Variants in SLC25A48 observed in about 807,000 individuals in gnomAD.
SLC25A48 encodes CTC-321K16.1.
In SLC25A48, 29 loss-of-function variants were observed where a neutral mutation model predicts 32.2. That is an observed-to-expected ratio of 0.90 (90% CI 0.67 to 1.23). SLC25A48 has a LOEUF of 1.23. SLC25A48 is among the 50% of genes most tolerant of loss of function. The pLI is 0.00. For missense variants in SLC25A48, 399 were observed against 422.7 expected (o/e 0.94, Z 0.49); for synonymous variants, 164 against 172.3 (o/e 0.95, Z 0.38).
intron 3 of SLC25A48, among the ~76,000 whole-genome samples, chr5:135,738,050 A>G (rs965588673): frequency 3.3e-5 from 5 of 152,092 alleles, no homozygotes; most frequent in African/African-American, 9.7e-5. Flanking sequence ...CACCATCACT[A>G]TGACTGTGAT....
At chr5:135,597,260 G>T (rs1751676737) in intron 1 of SLC25A48, among the ~76,000 whole-genome samples, 1 of 152,206 alleles carries the variant, frequency 6.6e-6, no homozygotes, top group African/African-American at 2.4e-5. Context: ...GCAGATCTGA[G>T]CAAGAAGGGA....
At chr5:135,682,521 A>G (rs1753921561) in intron 3 of SLC25A48, among the ~76,000 whole-genome samples, 1 of 152,226 alleles carries the variant, frequency 6.6e-6, no homozygotes, top group African/African-American at 2.4e-5. Context: ...TGTATGTCAT[A>G]TGCTTGCATA....
chr5:135,609,764 T>C (rs1483398941), intron 1 of SLC25A48: 1 of 152,236 alleles, frequency 6.6e-6, no homozygotes, highest in Non-Finnish European at 1.5e-5. Flanking sequence ...ACAAGCTGCA[T>C]AACTTATTAT....
intron 3 of SLC25A48, among the ~76,000 whole-genome samples, chr5:135,802,103 A>G (rs999611234): frequency 6.6e-6 from 1 of 151,810 alleles, no homozygotes. Context: ...CCAGGGGAAG[A>G]GAAGATATTA....
Position 135,874,131 on chromosome 5 carries a change from A to G in SLC25A48, c.790A>G (p.Ser264Gly). 1 of 1,480,364 alleles carries G rather than the reference A, an allele frequency of 6.8e-7. No individual in the cohort carries two copies. Among genetic ancestry groups the G allele is most frequent in the Non-Finnish European group, 8.9e-7 (1 of 1,124,906 alleles). 91.7% of individuals were successfully genotyped at this position (1,480,364 alleles called of 1,614,324 possible). A position where few individuals can be genotyped will look rare whatever the true frequency, so the allele number is the denominator to read the frequency against. ...AGGTGTCCTGGACTGTATCTCCCAG[A>G]GTTACCAGAAGGAAGGTCTTAAAGT... ...YKGVLDCISQSYQKEGLKVFF... is the reference protein window; with the variant it reads ...YKGVLDCISQGYQKEGLKVFF... Residue 264 changes from serine (S) to glycine (G), a missense_variant, in exon 6 of 8, where the codon AGT becomes GGT. Transcript: ENST00000681962.
chr5:135,681,268 C>A (rs1181982764), intron 3 of SLC25A48, among the ~76,000 whole-genome samples: 1 of 152,192 alleles, frequency 6.6e-6, no homozygotes, highest in Non-Finnish European at 1.5e-5. Context: ...GCCACTGTGC[C>A]CAGCTGTGTT....
chr5:135,702,952 T>C (rs1754426688), intron 3 of SLC25A48, among the ~76,000 whole-genome samples: 2 of 152,136 alleles, frequency 1.3e-5, no homozygotes, highest in South Asian at 4.1e-4. Flanking sequence ...AACACCTTCT[T>C]TTTGAGTGAA....
rs70976584 is a variant in SLC25A48 at position 135,886,648 on chromosome 5, ATGTGTGTGTG to A, written c.*8-1367_*8-1358del. On this transcript the variant is annotated intron_variant, in intron 7 of 7. Transcript: ENST00000681962. ...ATATATATATATATAAAATATATAT[ATGTGTGTGTG>A]TGTGTGTGTGTGTGTGAGAGAGAGA... Among the ~76,000 whole-genome samples, 15 of 64,742 alleles carry A rather than the reference ATGTGTGTGTG, an allele frequency of 2.3e-4. 1 individual carries two copies. Among genetic ancestry groups the A allele is most frequent in the South Asian group, 5.5e-4 (1 of 1,824 alleles). 42.5% of individuals were successfully genotyped at this position (64,742 alleles called of 152,430 possible).
At chr5:135,789,870 C>T (rs1291052608) in intron 3 of SLC25A48, among the ~76,000 whole-genome samples, 2 of 151,990 alleles carry the variant, frequency 1.3e-5, no homozygotes, top group African/African-American at 4.8e-5. Flanking sequence ...AATAATTTCA[C>T]AGGGTGTACA....
At chr5:135,768,921 C>T (rs1756322041) in intron 3 of SLC25A48, among the ~76,000 whole-genome samples, 1 of 151,810 alleles carries the variant, frequency 6.6e-6, no homozygotes, top group Non-Finnish European at 1.5e-5. Context: ...CGCAATATCG[C>T]AGGGGTTGTA....
At chr5:135,877,375 A>G (rs1333689544) in intron 6 of SLC25A48, among the ~76,000 whole-genome samples, 1 of 151,980 alleles carries the variant, frequency 6.6e-6, no homozygotes, top group African/African-American at 2.4e-5. Context: ...CAGAGGGGGC[A>G]TTTGTAGGTA....
At chr5:135,678,218 G>A (rs901910361) in intron 3 of SLC25A48, among the ~76,000 whole-genome samples, 6 of 151,366 alleles carry the variant, frequency 4.0e-5, no homozygotes, top group Non-Finnish European at 5.9e-5. Context: ...TTTTTAATTC[G>A]TTTTTTTTCT....
intron 3 of SLC25A48, among the ~76,000 whole-genome samples, chr5:135,749,195 A>G (rs12513724): frequency 0.46 from 69,581 of 151,582 alleles, 16,834 homozygotes; most frequent in Non-Finnish European, 0.54. Flanking sequence ...CACAGTGGCA[A>G]GGAAGAAATG....
chr5:135,806,891 C>G (rs1178455767), intron 3 of SLC25A48, among the ~76,000 whole-genome samples: 1 of 149,726 alleles, frequency 6.7e-6, no homozygotes, highest in Non-Finnish European at 1.5e-5. Flanking sequence ...TGTGTTAACA[C>G]TAGATATTAT....
At chr5:135,587,552 T>G (rs377717763) in intron 1 of SLC25A48, among the ~76,000 whole-genome samples, 2 of 152,184 alleles carry the variant, frequency 1.3e-5, no homozygotes, top group East Asian at 3.8e-4. Flanking sequence ...TTGTGACTAA[T>G]TTGCTTTTAA....
At chr5:135,786,521 G>A (rs981055062) in intron 3 of SLC25A48, among the ~76,000 whole-genome samples, 3 of 152,074 alleles carry the variant, frequency 2.0e-5, no homozygotes, top group African/African-American at 4.8e-5. Flanking sequence ...TAATGTCACC[G>A]TGGCTGTATC....
intron 4 of SLC25A48, among the ~76,000 whole-genome samples, chr5:135,855,718 C>T (rs942772083): frequency 6.6e-6 from 1 of 152,208 alleles, no homozygotes; most frequent in Non-Finnish European, 1.5e-5. Flanking sequence ...CTCATCTGCA[C>T]GAAGCTAGCC....
intron 3 of SLC25A48, among the ~76,000 whole-genome samples, chr5:135,795,401 G>T (rs2126637026): frequency 1.3e-5 from 2 of 151,966 alleles, no homozygotes; most frequent in South Asian, 4.2e-4. Flanking sequence ...TAACGCAGGG[G>T]GTGTACACTC....
chr5:135,656,791 G>A (rs1324367039), intron 3 of SLC25A48, among the ~76,000 whole-genome samples: 1 of 152,134 alleles, frequency 6.6e-6, no homozygotes, highest in Non-Finnish European at 1.5e-5. Flanking sequence ...GCAAGCCAAG[G>A]AACGCCTGGG....
Sources: allele counts gnomAD v4.1 joint callset (sites outside exome capture counted in the v4.1 genomes callset), GRCh38; gene constraint gnomAD v4.1.1; transcripts MANE v1.5; gene names NCBI Gene and HGNC (gene_info 2026-07-23, HGNC 2026-07-21).